DSE: variants seen among roughly 807,000 people sequenced by gnomAD.
DSE encodes the protein dermatan sulfate epimerase.
In DSE, 36 loss-of-function variants were observed where a neutral mutation model predicts 84.4. That is an observed-to-expected ratio of 0.43 (90% CI 0.33 to 0.56). The LOEUF is 0.56. DSE is among the 20% of genes least tolerant of loss of function. The probability of loss-of-function intolerance (pLI) is 0.06; values close to 1 mark genes in which losing one functional copy is unlikely to be tolerated. For missense variants in DSE, 862 were observed against 1,169.6 expected, an observed-to-expected ratio of 0.74 and a Z score of 3.84; for synonymous variants, 410 against 430.1, an observed-to-expected ratio of 0.95 and a Z score of 0.58.
At chr6:116,360,585 C>T (rs1778833870) in intron 2 of DSE, among the ~76,000 whole-genome samples, 1 of 152,134 alleles carries the variant, frequency 6.6e-6, no homozygotes, top group African/African-American at 2.4e-5. Flanking sequence ...AGTGTTAACT[C>T]TCAGTCCCTT....
intron 2 of DSE, among the ~76,000 whole-genome samples, chr6:116,408,062 T>G (rs1281036757): frequency 3.3e-5 from 5 of 152,222 alleles, no homozygotes; most frequent in Admixed American, 6.5e-5. Flanking sequence ...CCACCTTAAC[T>G]TCTTCCACCA....
At chr6:116,366,129 A>G (rs1779152495), upstream of DSE, 1 of 152,232 alleles carries the variant, frequency 6.6e-6, no homozygotes, top group Admixed American at 6.5e-5. Flanking sequence ...AAACTGTATG[A>G]GAAAAGTTTG....
rs34766242 is a variant in DSE at position 116,427,152 on chromosome 6, GA to G, written c.670+328del. Among the ~76,000 whole-genome samples the G allele has an allele frequency of 0.25, 37,326 of 152,022 alleles. 4,848 individuals are homozygous for G. The highest frequency in any genetic ancestry group is 0.32 in the African/African-American group (13,242 of 41,428). ...TGAAGACAGCCATCCTGGAATAAGT[GA>G]AATTTTAAAAAGCTAAACACATGGT... On this transcript the variant is annotated intron_variant, in intron 3 of 5. Coordinates refer to ENST00000644252, the MANE Select transcript of DSE (RefSeq NM_013352.4).
In DSE at chr6:116,436,567, C is replaced by G; in HGVS notation, c.2099C>G (p.Thr700Arg). 1.2e-6 allele frequency: 2 copies of G among 1,614,176 alleles called. No individual in the cohort carries two copies. The highest frequency in any genetic ancestry group is 1.1e-5 in the South Asian group (1 of 91,080). ...CATGCCTACGCCACATACCTGTGGA[C>G]AGGTGAGGCCACAGGACAGTCTGCC... The part of the protein sequence containing the change: ...SKHAYATYLW[T>R]GEATGQSAFA... Residue 700 changes from threonine (T) to arginine (R), a missense_variant, in exon 6 of 6, where the codon ACA (threonine) becomes AGA (arginine). By Grantham distance (71) the Thr-to-Arg change is moderately conservative. This residue lies in a region of DSE where 315 missense variants were observed against 348.1 expected (regional missense o/e 0.90). Transcript: ENST00000644252.
At chr6:116,337,560 C>T (rs897439399) in intron 2 of DSE, among the ~76,000 whole-genome samples, 2 of 151,768 alleles carry the variant, frequency 1.3e-5, no homozygotes, top group Admixed American at 6.6e-5. Flanking sequence ...TGCAGTGAGC[C>T]GAGATCACAC....
At chr6:116,283,035 T>TA (rs756385651) in intron 2 of DSE, among the ~76,000 whole-genome samples, 6 of 152,300 alleles carry the variant, frequency 3.9e-5, no homozygotes, top group Admixed American at 3.9e-4. Context: ...TAAAAAGGCT[T>TA]AAAAAGGATA....
intron 2 of DSE, among the ~76,000 whole-genome samples, chr6:116,405,921 T>C (rs1425488194): frequency 1.3e-5 from 2 of 152,222 alleles, no homozygotes; most frequent in Admixed American, 1.3e-4. Flanking sequence ...TCTGCTCACC[T>C]AAATTGTTAG....
Position 116,333,480 on chromosome 6 carries a change from A to G in DSE, c.-53-65718A>G, listed in dbSNP as rs187106992. On this transcript the variant is annotated intron_variant, in intron 2 of 3. Transcript: ENST00000430252. The stretch of plus-strand genomic sequence containing the variant: ...ATGAAGAAAGTGCCCCCATGACTTA[A>G]TCACTTTGTAAACTCCCCATCTCCC... 4.4e-3 allele frequency among the ~76,000 whole-genome samples: 669 copies of G among 152,300 alleles called. 9 individuals are homozygous for G. The highest frequency in any genetic ancestry group is 4.2e-3 in the Non-Finnish European group (284 of 68,018).
chr6:116,366,444 C>T (rs905267081), upstream of DSE: 5 of 152,226 alleles, frequency 3.3e-5, no homozygotes, highest in African/African-American at 9.6e-5. Context: ...AAATGTTACA[C>T]TCCTTTTGGT....
upstream of DSE, chr6:116,370,331 A>G (rs1779444855): frequency 2.7e-6 from 1 of 376,928 alleles, no homozygotes; most frequent in African/African-American, 2.2e-5. Context: ...GATTTAGTGT[A>G]TTTTGTTGGT....
intron 2 of DSE, among the ~76,000 whole-genome samples, chr6:116,344,103 G>T (rs968175135): frequency 6.6e-6 from 1 of 152,104 alleles, no homozygotes; most frequent in Non-Finnish European, 1.5e-5. Context: ...AAAAAGAAAC[G>T]AACAAAGCCT....
chr6:116,347,787 G>A (rs1778077274), intron 2 of DSE, among the ~76,000 whole-genome samples: 1 of 152,134 alleles, frequency 6.6e-6, no homozygotes, highest in Non-Finnish European at 1.5e-5. Context: ...AGCCAAAATT[G>A]ACAAATGGAA....
rs758399636 is a variant in DSE at position 116,279,212 on chromosome 6, C to T, written c.-54+20245C>T. ...CTCGCCTCCTCCTCCAATCTATCCT[C>T]CTCCGCCACTTCTATTTCTTCACCT... On this transcript the variant is annotated intron_variant, in intron 2 of 3. Coordinates refer to the DSE transcript ENST00000430252. 3.7e-6 allele frequency: 6 copies of T among 1,610,096 alleles called. No homozygotes were observed. The Admixed American group carries it at 5.0e-5, about 13-fold the overall frequency.
intron 2 of DSE, among the ~76,000 whole-genome samples, chr6:116,349,888 T>C (rs761290722): frequency 6.6e-6 from 1 of 152,216 alleles, no homozygotes; most frequent in Non-Finnish European, 1.5e-5. Context: ...ATGATTGTTT[T>C]TGTCAATTTT....
intron 2 of DSE, among the ~76,000 whole-genome samples, chr6:116,415,897 C>CACAT (rs1255184516): frequency 2.6e-5 from 4 of 152,162 alleles, no homozygotes; most frequent in Non-Finnish European, 4.4e-5. Flanking sequence ...AACAAATTAC[C>CACAT]ACATACTCAG....
In DSE at chr6:116,436,749, C is replaced by T. The variant is rs1362479872; in HGVS notation, c.2281C>T (p.Leu761=). The T allele has an allele frequency of 1.9e-6, 3 of 1,614,056 alleles. No homozygotes were observed. Among genetic ancestry groups the T allele is most frequent in the East Asian group, 2.2e-5 (1 of 44,898 alleles). Residue 761 remains leucine, a synonymous_variant, in exon 6 of 6, where the codon CTG becomes TTG. Transcript: ENST00000644252. ...PVFQLLEKQI[L]SRVRNTASFR... ...GTTTCAGCTGCTGGAGAAGCAGATA[C>T]TGTCCCGAGTCCGGAACACAGCTAG...
At chr6:116,273,840 T>TTTG (rs1772993167) in intron 2 of DSE, among the ~76,000 whole-genome samples, 1 of 151,002 alleles carries the variant, frequency 6.6e-6, no homozygotes, top group African/African-American at 2.4e-5. Flanking sequence ...TTTTGTTTTT[T>TTTG]TTTTTTTTTG....
intron 2 of DSE, among the ~76,000 whole-genome samples, chr6:116,358,338 A>G (rs568413665): frequency 6.6e-6 from 1 of 152,364 alleles, no homozygotes; most frequent in East Asian, 1.9e-4. Flanking sequence ...CTGTAATAGC[A>G]GACTGCAGCC....
At chr6:116,307,280 T>C (rs964152171) in intron 2 of DSE, among the ~76,000 whole-genome samples, 1 of 152,208 alleles carries the variant, frequency 6.6e-6, no homozygotes, top group Non-Finnish European at 1.5e-5. Context: ...TGGGTGTGGA[T>C]TGATCATTAC....
Sources: allele counts gnomAD v4.1 joint callset (sites outside exome capture counted in the v4.1 genomes callset), GRCh38; gene constraint gnomAD v4.1.1; regional missense constraint gnomAD v4.1.1; transcripts MANE v1.5; gene names NCBI Gene and HGNC (gene_info 2026-07-23, HGNC 2026-07-21).